RNF144B: variants seen among roughly 807,000 people sequenced by gnomAD.
The protein encoded by RNF144B is ring finger protein 144B, also known as E3 ubiquitin-protein ligase RNF144B.
In RNF144B, 25 loss-of-function variants were observed where a neutral mutation model predicts 40.2. That is an observed-to-expected ratio of 0.62 (90% CI 0.45 to 0.87). RNF144B has a LOEUF of 0.87. RNF144B is among the 40% of genes least tolerant of loss of function. The pLI, the probability that RNF144B is intolerant of heterozygous loss-of-function variation, is 0.00. For missense variants in RNF144B, 365 were observed against 373.7 expected (o/e 0.98, Z 0.19); for synonymous variants, 145 against 136.3 (o/e 1.06, Z -0.44).
Position 18,399,517 on chromosome 6 carries a change from A to G in RNF144B, c.-18A>G, listed in dbSNP as rs543679531. On this transcript the variant is annotated 5_prime_UTR_variant, in exon 2 of 8. Transcript: ENST00000259939. ...TCTATAGGGATTGAGGAGACTGAAG[A>G]ATGCTGAAGACAGGCTGATGGGCTC... 1.1e-5 allele frequency: 17 copies of G among 1,613,238 alleles called. No homozygotes were observed. The African/African-American group carries it at 2.3e-4, about 22-fold the overall frequency.
chr6:18,396,776 G>A (rs756716151), intron 1 of RNF144B: 21 of 985,248 alleles, frequency 2.1e-5, no homozygotes, highest in African/African-American at 1.0e-4. Flanking sequence ...TACTGGAGAC[G>A]CAAGCTGATG....
rs61128858 is a variant in RNF144B, at chr6:18,448,688, GCACACACA to G, written c.332-8445_332-8438del. On this transcript the variant is annotated intron_variant, in intron 4 of 7. Coordinates refer to ENST00000259939, the MANE Select transcript of RNF144B (RefSeq NM_182757.4). The surrounding 1 kb of genome is among the most constrained non-coding windows in gnomAD (Gnocchi z 4.0). Reference sequence around the variant, plus strand: ...TCCATTTTATTTTGAAAGCCAGCATGCACACACACACACACACACACACACACACCCCA... The same window carrying G: ...TCCATTTTATTTTGAAAGCCAGCATGCACACACACACACACACACACCCCA... 3.5e-5 allele frequency among the ~76,000 whole-genome samples: 5 copies of G among 144,596 alleles called. No homozygotes were observed. Among genetic ancestry groups the G allele is most frequent in the South Asian group, 2.2e-4 (1 of 4,488 alleles). 94.9% of individuals were successfully genotyped at this position (144,596 alleles called of 152,430 possible).
chr6:18,452,704 C>A (rs909358321), intron 4 of RNF144B, among the ~76,000 whole-genome samples: 1 of 151,944 alleles, frequency 6.6e-6, no homozygotes, highest in Non-Finnish European at 1.5e-5. Flanking sequence ...TCTCCTAGCC[C>A]CTGCCTTTAC....
At position 18,387,629 on chromosome 6, in the gene RNF144B, A is replaced by G; in HGVS notation, c.-38A>G. On this transcript the variant is annotated splice_region_variant and 5_prime_UTR_variant, in exon 1 of 8. Transcript: ENST00000259939. ...GACGGAGGAACGCAGGTCTGCTGCC[A>G]GGTAGGTTTAGCGAGCTTTTTAAAG... 8 of 1,301,266 alleles carry G rather than the reference A, an allele frequency of 6.1e-6. No individual in the cohort carries two copies. The highest frequency in any genetic ancestry group is 7.0e-6 in the Non-Finnish European group (7 of 995,304). The allele number at this position is 1,301,266 out of a possible 1,614,324, so 80.6% of individuals were successfully genotyped here. A position where few individuals can be genotyped will look rare whatever the true frequency, so the allele number is the denominator to read the frequency against.
At chr6:18,440,219 A>G (rs1259737142) in intron 4 of RNF144B, among the ~76,000 whole-genome samples, 2 of 152,100 alleles carry the variant, frequency 1.3e-5, no homozygotes, top group East Asian at 1.9e-4. Context: ...TTCTTGTGCA[A>G]TTTACAATGT....
rs2113544141 is a variant in RNF144B, at chr6:18,464,833, A to T, written c.772-94A>T. The T allele has an allele frequency of 8.1e-7, 1 of 1,236,858 alleles. No homozygotes were observed. The highest frequency in any genetic ancestry group is 1.4e-5 in the South Asian group (1 of 72,914). 76.6% of individuals were successfully genotyped at this position (1,236,858 alleles called of 1,614,324 possible). A position where few individuals can be genotyped will look rare whatever the true frequency, so the allele number is the denominator to read the frequency against. On this transcript the variant is annotated intron_variant, in intron 7 of 7. Transcript: ENST00000259939. The surrounding 1 kb of genome is among the most constrained non-coding windows in gnomAD (Gnocchi z 6.1). ...ACATATGAGCTTCAGGGGGACACAA[A>T]CATTTGGCCCACAGCAGATAACAGT...
intron 3 of RNF144B, among the ~76,000 whole-genome samples, chr6:18,437,153 TGTGACTGGGTGCAACTG>T (rs1758843019): frequency 6.6e-6 from 1 of 152,046 alleles, no homozygotes; most frequent in South Asian, 2.1e-4. Flanking sequence ...TTAGAAAAAA[TGTGACTGGGTGCAACTG>T]GCTCATGTCT....
Position 18,459,543 on chromosome 6 carries a change from G to C in RNF144B, c.537-64G>C, listed in dbSNP as rs1562060428. 2.0e-6 allele frequency: 3 copies of C among 1,538,160 alleles called. No homozygotes were observed. Among genetic ancestry groups the C allele is most frequent in the South Asian group, 1.1e-5 (1 of 87,144 alleles). ...TGTGAGTTCATTATCTAACCATCAGGAGCCCTGGGAATTCAACTGATGACC... is the reference window on the plus strand; with the variant it reads ...TGTGAGTTCATTATCTAACCATCAGCAGCCCTGGGAATTCAACTGATGACC... On this transcript the variant is annotated intron_variant, in intron 5 of 7. Coordinates refer to ENST00000259939, the MANE Select transcript of RNF144B (RefSeq NM_182757.4). This position sits in a 1 kb window ranked among gnomAD's most constrained non-coding sequence, Gnocchi z 4.2.
rs1794913383 is a variant in RNF144B at position 18,406,507 on chromosome 6, G to GA, written c.165+6809dup. On this transcript the variant is annotated intron_variant, in intron 2 of 7. Transcript: ENST00000259939. The surrounding 1 kb of genome is among the most constrained non-coding windows in gnomAD (Gnocchi z 4.2). ...GTGTGTGTGTGTGTGTGTGTAGGGGGAGTAGTAGGAGATGAAGGCTAAGTC... is the reference window on the plus strand; with the variant it reads ...GTGTGTGTGTGTGTGTGTGTAGGGGGAAGTAGTAGGAGATGAAGGCTAAGTC... Among the ~76,000 whole-genome samples the GA allele has an allele frequency of 2.8e-5, 4 of 140,982 alleles. No individual in the cohort carries two copies. The highest frequency in any genetic ancestry group is 1.4e-4 in the Admixed American group (2 of 14,206). 92.5% of individuals were successfully genotyped at this position (140,982 alleles called of 152,430 possible).
intron 4 of RNF144B, among the ~76,000 whole-genome samples, chr6:18,451,350 A>G (rs953960903): frequency 1.3e-5 from 2 of 152,216 alleles, no homozygotes; most frequent in Admixed American, 1.3e-4. Flanking sequence ...TCTTATTGTC[A>G]TAAGAGGTCA....
At chr6:18,411,462 CATATATAT>C (rs767477071) in intron 2 of RNF144B, among the ~76,000 whole-genome samples, 1,511 of 59,292 alleles carry the variant, frequency 0.025, 145 homozygotes, top group African/African-American at 0.055. Context: ...GTGCATGATT[CATATATAT>C]ATATATATAT....
In RNF144B at chr6:18,414,875, T is replaced by TA. The variant is rs1795116649; in HGVS notation, c.166-12703dup. On this transcript the variant is annotated intron_variant, in intron 2 of 7. Coordinates refer to ENST00000259939, the MANE Select transcript of RNF144B (RefSeq NM_182757.4). This position sits in a 1 kb window ranked among gnomAD's most constrained non-coding sequence, Gnocchi z 4.9. ...TACAACAGTTTGTTATGAAACAAGATAAAGATTTTTACAACAAATACCTGT... is the reference window on the plus strand; with the variant it reads ...TACAACAGTTTGTTATGAAACAAGATAAAAGATTTTTACAACAAATACCTGT... Among the ~76,000 whole-genome samples the TA allele has an allele frequency of 1.3e-5, 2 of 152,162 alleles. No individual in the cohort carries two copies. The highest frequency in any genetic ancestry group is 2.9e-5 in the Non-Finnish European group (2 of 68,006).
At chr6:18,388,122 A>G (rs1235659814) in intron 1 of RNF144B, among the ~76,000 whole-genome samples, 1 of 152,148 alleles carries the variant, frequency 6.6e-6, no homozygotes. Flanking sequence ...TGTTTTTCTC[A>G]TGAGTTTCAA....
intron 4 of RNF144B, among the ~76,000 whole-genome samples, chr6:18,452,610 C>T (rs1461029250): frequency 1.3e-5 from 2 of 151,814 alleles, no homozygotes; most frequent in Non-Finnish European, 2.9e-5. Flanking sequence ...TTTTTAAAAC[C>T]AATTTTAAAA....
chr6:18,405,887 C>T lies in RNF144B; in HGVS notation c.165+6188C>T, dbSNP rs1180700454. On this transcript the variant is annotated intron_variant, in intron 2 of 7. Transcript: ENST00000259939. This position sits in a 1 kb window ranked among gnomAD's most constrained non-coding sequence, Gnocchi z 4.5. Reference sequence around the variant, plus strand: ...GAAAGAACAGCAGAAGAAAACCATACTATTAAGGCCCTAATGTCTTTGTCA... The same window carrying T: ...GAAAGAACAGCAGAAGAAAACCATATTATTAAGGCCCTAATGTCTTTGTCA... Among the ~76,000 whole-genome samples, 1 of 152,176 alleles carries T rather than the reference C, an allele frequency of 6.6e-6. No individual in the cohort carries two copies. The highest frequency in any genetic ancestry group is 1.9e-4 in the East Asian group (1 of 5,194).
At chr6:18,424,636 A>G (rs1758507252) in intron 2 of RNF144B, among the ~76,000 whole-genome samples, 1 of 152,202 alleles carries the variant, frequency 6.6e-6, no homozygotes, top group Non-Finnish European at 1.5e-5. Flanking sequence ...TAAGAGGCAC[A>G]TCCATTATAA....
At position 18,464,186 on chromosome 6, in the gene RNF144B, T is replaced by G. The variant is rs906549991; in HGVS notation, c.772-741T>G. 6.6e-6 allele frequency among the ~76,000 whole-genome samples: 1 copy of G among 152,206 alleles called. No individual in the cohort carries two copies. Among genetic ancestry groups the G allele is most frequent in the Non-Finnish European group, 1.5e-5 (1 of 68,034 alleles). ...AGGAGTCATGGTTTATTTTTAATTT[T>G]TAATAGTGTTTTATATTTATTAAAG... On this transcript the variant is annotated intron_variant, in intron 7 of 7. Coordinates refer to ENST00000259939, the MANE Select transcript of RNF144B (RefSeq NM_182757.4). This position sits in a 1 kb window ranked among gnomAD's most constrained non-coding sequence, Gnocchi z 6.1.
At chr6:18,411,430 A>G (rs1437294058) in intron 2 of RNF144B, among the ~76,000 whole-genome samples, 7 of 146,592 alleles carry the variant, frequency 4.8e-5, no homozygotes, top group African/African-American at 1.8e-4. Context: ...TTAAAAATAA[A>G]CCAAAAAACC....
intron 1 of RNF144B, among the ~76,000 whole-genome samples, chr6:18,391,463 C>T (rs1408707774): frequency 6.6e-6 from 1 of 152,186 alleles, no homozygotes; most frequent in Non-Finnish European, 1.5e-5. Flanking sequence ...TATTCACTCC[C>T]ACCTTCTTTG....
Sources: allele counts gnomAD v4.1 joint callset (sites outside exome capture counted in the v4.1 genomes callset), GRCh38; gene constraint gnomAD v4.1.1; non-coding constraint Gnocchi (gnomAD v3.1); transcripts MANE v1.5; gene names NCBI Gene and HGNC (gene_info 2026-07-23, HGNC 2026-07-21).